CPNE4: variants seen among roughly 807,000 people sequenced by gnomAD.
CPNE4 encodes copine 4.
A neutral mutation model predicts 67.9 loss-of-function variants in CPNE4; 25 were observed. The observed-to-expected ratio is 0.37, with a 90% CI of 0.27 to 0.51. CPNE4 has a LOEUF of 0.51. Ranked by LOEUF, CPNE4 falls within the 20% of genes least tolerant of loss-of-function variation. The pLI, the probability that CPNE4 is intolerant of heterozygous loss-of-function variation, is 0.93. For missense variants in CPNE4, 464 were observed against 690.8 expected, an observed-to-expected ratio of 0.67 and a Z score of 3.68; for synonymous variants, 242 against 244.9, an observed-to-expected ratio of 0.99 and a Z score of 0.11.
intron 5 of CPNE4, among the ~76,000 whole-genome samples, chr3:131,687,818 A>G (rs116693067): frequency 0.012 from 1,787 of 152,364 alleles, 34 homozygotes; most frequent in African/African-American, 0.041. Context: ...ACAAATAAAT[A>G]TAACCTAGGG....
At chr3:131,555,086 G>A (rs367910954) in intron 12 of CPNE4, among the ~76,000 whole-genome samples, 9 of 151,982 alleles carry the variant, frequency 5.9e-5, no homozygotes, top group East Asian at 1.9e-4. Flanking sequence ...ACTTGGACTC[G>A]GAGACTTGGG....
At chr3:131,714,754 T>G (rs2081643188) in intron 3 of CPNE4, among the ~76,000 whole-genome samples, 1 of 152,176 alleles carries the variant, frequency 6.6e-6, no homozygotes, top group South Asian at 2.1e-4. Context: ...AATTTGTATT[T>G]TAATATGCCT....
At chr3:131,934,665 T>G (rs1049471831) in intron 1 of CPNE4, among the ~76,000 whole-genome samples, 2 of 152,158 alleles carry the variant, frequency 1.3e-5, no homozygotes, top group Non-Finnish European at 2.9e-5. Flanking sequence ...CATGCAGTGT[T>G]TGGTTTTCTG....
intron 2 of CPNE4, among the ~76,000 whole-genome samples, chr3:131,838,805 A>G (rs770472202): frequency 2.1e-4 from 32 of 151,724 alleles, no homozygotes; most frequent in Non-Finnish European, 3.7e-4. Flanking sequence ...TACTATATGT[A>G]TATTCGTATA....
intron 5 of CPNE4, among the ~76,000 whole-genome samples, chr3:131,690,745 T>C (rs1038356624): frequency 6.6e-6 from 1 of 151,070 alleles, no homozygotes; most frequent in Non-Finnish European, 1.5e-5. Flanking sequence ...AAAAAAACTA[T>C]TAACAGACTA....
chr3:131,850,150 AT>A (rs1202471258), intron 2 of CPNE4, among the ~76,000 whole-genome samples: 4 of 152,032 alleles, frequency 2.6e-5, no homozygotes, highest in Non-Finnish European at 4.4e-5. Flanking sequence ...ACATTTTTAA[AT>A]TTTTTTTGCC....
chr3:131,771,391 T>C (rs1026105907), intron 2 of CPNE4, among the ~76,000 whole-genome samples: 1 of 152,092 alleles, frequency 6.6e-6, no homozygotes, highest in African/African-American at 2.4e-5. Flanking sequence ...GTGAGGTGTT[T>C]TGGTCATGGG....
intron 3 of CPNE4, among the ~76,000 whole-genome samples, chr3:131,717,564 C>T (rs2081731536): frequency 6.6e-6 from 1 of 152,140 alleles, no homozygotes; most frequent in Admixed American, 6.5e-5. Context: ...TGTTATATTC[C>T]TCACCCCCAT....
chr3:131,731,895 TA>T (rs1278053146), intron 2 of CPNE4, among the ~76,000 whole-genome samples: 1 of 152,186 alleles, frequency 6.6e-6, no homozygotes, highest in Non-Finnish European at 1.5e-5. Context: ...TGTCAACATA[TA>T]TACTAGTAAT....
intron 2 of CPNE4, among the ~76,000 whole-genome samples, chr3:131,818,752 G>T (rs3914308): frequency 0.85 from 129,805 of 152,210 alleles, 56,033 homozygotes; most frequent in East Asian, 1. Context: ...CCCCATTTTA[G>T]GAAGTTGTTG....
At position 131,992,484 on chromosome 3, in the gene CPNE4, G is replaced by C. The variant is rs1478273291; in HGVS notation, c.-2+42083C>G. Reference sequence around the variant, plus strand: ...TGGTTCCAATGTTTGTATCCCCATTGTATCTAGGAAGTAACTAACTTGCTT... The same window carrying C: ...TGGTTCCAATGTTTGTATCCCCATTCTATCTAGGAAGTAACTAACTTGCTT... On this transcript the variant is annotated intron_variant, in intron 1 of 15. Transcript: ENST00000429747. Among the ~76,000 whole-genome samples, 23 of 136,866 alleles carry C rather than the reference G, an allele frequency of 1.7e-4. 9 individuals are homozygous for C. Among genetic ancestry groups the C allele is most frequent in the Non-Finnish European group, 6.6e-5 (4 of 60,210 alleles). The allele number at this position is 136,866 out of a possible 152,430, so 89.8% of individuals were successfully genotyped here. A position where few individuals can be genotyped will look rare whatever the true frequency, so the allele number is the denominator to read the frequency against.
Position 131,723,574 on chromosome 3 carries a change from G to T in CPNE4, c.232C>A (p.Leu78Met). The change falls in exon 3 of 16, where the codon CTG (leucine) becomes ATG (methionine). Residue 78 changes from leucine (L) to methionine (M), a missense_variant. Physicochemically the swap from Leu to Met is conservative, Grantham distance 15 (BLOSUM62 2). Transcript: ENST00000429747. ...RTCINPVYSK[L>M]FTVDFYFEEV... ...TCAAAGTAAAAGTCCACAGTAAACAGTTTTGAGTACACTGGGTTTATGCAG... is the reference window on the plus strand; with the variant it reads ...TCAAAGTAAAAGTCCACAGTAAACATTTTTGAGTACACTGGGTTTATGCAG... 6.2e-7 allele frequency: 1 copy of T among 1,614,162 alleles called. No homozygotes were observed. The highest frequency in any genetic ancestry group is 8.5e-7 in the Non-Finnish European group (1 of 1,180,018).
intron 7 of CPNE4, among the ~76,000 whole-genome samples, chr3:131,595,054 A>T (rs1938761272): frequency 6.6e-6 from 1 of 152,218 alleles, no homozygotes; most frequent in African/African-American, 2.4e-5. Flanking sequence ...ATGTACACAC[A>T]CAAAAGATAA....
At chr3:131,883,295 T>C (rs1363913398) in intron 2 of CPNE4, among the ~76,000 whole-genome samples, 1 of 152,164 alleles carries the variant, frequency 6.6e-6, no homozygotes, top group Admixed American at 6.5e-5. Flanking sequence ...ATTCACCCAA[T>C]TGCTCATCCC....
intron 2 of CPNE4, among the ~76,000 whole-genome samples, chr3:131,732,580 GT>G (rs1317221174): frequency 6.6e-6 from 1 of 152,096 alleles, no homozygotes; most frequent in Non-Finnish European, 1.5e-5. Context: ...CTCTCCCTGG[GT>G]TCCAGTAACA....
At chr3:131,883,323 C>G (rs1462193342) in intron 2 of CPNE4, among the ~76,000 whole-genome samples, 6 of 152,116 alleles carry the variant, frequency 3.9e-5, no homozygotes, top group Non-Finnish European at 7.4e-5. Flanking sequence ...TGATTCTTGA[C>G]TCCTCATTTT....
upstream of CPNE4, among the ~76,000 whole-genome samples, chr3:132,036,288 A>G (rs932662930): frequency 1.3e-5 from 2 of 152,174 alleles, no homozygotes; most frequent in Non-Finnish European, 1.5e-5. Flanking sequence ...GGCTATGCAT[A>G]AGTCAATCGT....
chr3:131,975,497 T>C (rs1302958398), intron 1 of CPNE4, among the ~76,000 whole-genome samples: 5 of 152,206 alleles, frequency 3.3e-5, no homozygotes, highest in Non-Finnish European at 5.9e-5. Flanking sequence ...ATTCTAAAAC[T>C]ATGACAAGCC....
chr3:131,562,064 C>A (rs1936801821), intron 11 of CPNE4, among the ~76,000 whole-genome samples: 1 of 152,014 alleles, frequency 6.6e-6, no homozygotes, highest in African/African-American at 2.4e-5. Context: ...GTCAATCTTA[C>A]TCTATTAAAA....
Sources: gnomAD v4.1 joint callset for allele counts (sites outside exome capture counted in the v4.1 genomes callset) on GRCh38, gnomAD v4.1.1 for gene constraint, MANE v1.5 for transcripts, NCBI Gene and HGNC (gene_info 2026-07-23, HGNC 2026-07-21) for gene names.